Variants in S100Z observed in about 807,000 individuals in gnomAD.
S100Z encodes S100 calcium binding protein Z.
Under a neutral mutation model 8.5 loss-of-function variants are expected in S100Z, and 11 were observed. The observed-to-expected ratio is 1.30, with a 90% CI of 0.82 to 2.15. The LOEUF (loss-of-function observed/expected upper bound fraction) is 2.15. Ranked by LOEUF, S100Z falls within the 30% of genes most tolerant of loss-of-function variation. S100Z has a pLI of 0.00. For synonymous variants in S100Z, 34 were observed against 43.8 expected (o/e 0.78, Z 0.89); for missense variants, 126 against 117.9 (o/e 1.07, Z -0.32).
Position 76,891,693 on chromosome 5 carries a change from A to T in S100Z, c.*2+13859A>T, listed in dbSNP as rs1490436687. On this transcript the variant is annotated intron_variant, in intron 4 of 4. Transcript: ENST00000317593. ...CGTTTGGAAACACTGGCACCTGTAG[A>T]GTAATTCTTGCTGGGGCATACTTTC... Among the ~76,000 whole-genome samples, 5 of 152,204 alleles carry T rather than the reference A, an allele frequency of 3.3e-5. No homozygotes were observed. The East Asian group carries it at 7.7e-4, about 23-fold the overall frequency.
Position 76,877,660 on chromosome 5 carries a change from C to A in S100Z, c.142-14C>A. On this transcript the variant is annotated splice_polypyrimidine_tract_variant and intron_variant, in intron 3 of 4. Coordinates refer to ENST00000317593, the MANE Select transcript of S100Z (RefSeq NM_130772.4). ...TCAGAGCCAGGGAGTTAGAAATTTC[C>A]TTTCTCATTTTAGTGCCAAAAGGAA... 6.4e-7 allele frequency: 1 copy of A among 1,567,560 alleles called. No homozygotes were observed. The highest frequency in any genetic ancestry group is 8.8e-7 in the Non-Finnish European group (1 of 1,142,658).
the S100Z span, among the ~76,000 whole-genome samples, chr5:76,935,889 G>C: frequency 6.6e-6 from 1 of 151,260 alleles, no homozygotes; most frequent in Non-Finnish European, 1.5e-5. Context: ...CAATTTTCCT[G>C]CCTCAGCCTC....
intron 4 of S100Z, among the ~76,000 whole-genome samples, chr5:76,897,448 AAATAAT>A (rs956487227): frequency 3.4e-5 from 5 of 149,078 alleles, no homozygotes; most frequent in African/African-American, 7.7e-5. Context: ...GTCTCAAAAA[AAATAAT>A]AATAATAATA....
At chr5:76,871,039 C>A (rs1312902906) in intron 2 of S100Z, among the ~76,000 whole-genome samples, 1 of 152,174 alleles carries the variant, frequency 6.6e-6, no homozygotes, top group Non-Finnish European at 1.5e-5. Context: ...CCCAGAGAAA[C>A]CTGAACAACT....
chr5:76,925,618 A>T (rs749628611), downstream of S100Z, among the ~76,000 whole-genome samples: 1 of 152,000 alleles, frequency 6.6e-6, no homozygotes, highest in African/African-American at 2.4e-5. Flanking sequence ...TAGATAATCT[A>T]TGCTGCTTGC....
chr5:76,922,195 C>T (rs972009871), downstream of S100Z, among the ~76,000 whole-genome samples: 2 of 152,128 alleles, frequency 1.3e-5, no homozygotes, highest in African/African-American at 4.8e-5. Flanking sequence ...GAGAGACTCT[C>T]TCTGGAATTT....
chr5:76,903,219 T>TTCA (rs1195192321), intron 4 of S100Z, among the ~76,000 whole-genome samples: 6 of 152,216 alleles, frequency 3.9e-5, no homozygotes, highest in African/African-American at 1.4e-4. Context: ...CTGGTTGCTT[T>TTCA]TCATCATCAC....
intron 4 of S100Z, among the ~76,000 whole-genome samples, chr5:76,887,525 G>A (rs183825629): frequency 2.5e-4 from 37 of 148,904 alleles, no homozygotes; most frequent in African/African-American, 8.8e-4. Flanking sequence ...TCAGCCTCCC[G>A]AGTAGCTGGG....
At chr5:76,916,943 T>G (rs1744871714) in intron 4 of S100Z, among the ~76,000 whole-genome samples, 7 of 151,940 alleles carry the variant, frequency 4.6e-5, no homozygotes. Context: ...CTGGCCAACA[T>G]AGTTAAACCC....
chr5:76,909,413 C>A (rs1744572388), intron 4 of S100Z, among the ~76,000 whole-genome samples: 1 of 152,144 alleles, frequency 6.6e-6, no homozygotes, highest in Non-Finnish European at 1.5e-5. Context: ...ACAATACTAT[C>A]CTGCAGCTTG....
At chr5:76,948,820 T>C in the S100Z span, 1 of 152,180 alleles carries the variant, frequency 6.6e-6, no homozygotes, top group African/African-American at 2.4e-5. Context: ...AAGGTTAACA[T>C]TCCCCTTGAC....
intron 1 of S100Z, among the ~76,000 whole-genome samples, chr5:76,865,034 G>A (rs954657327): frequency 2.2e-5 from 3 of 137,762 alleles, no homozygotes; most frequent in Admixed American, 7.6e-5. Flanking sequence ...TTAGTTTAGC[G>A]TGTACTCCCT....
chr5:76,881,714 T>C (rs951632047), intron 4 of S100Z, among the ~76,000 whole-genome samples: 13 of 151,898 alleles, frequency 8.6e-5, no homozygotes, highest in African/African-American at 3.1e-4. Context: ...TGGGAAGAGA[T>C]TGATAGGTGG....
At chr5:76,938,817 A>G in the S100Z span, among the ~76,000 whole-genome samples, 1 of 152,142 alleles carries the variant, frequency 6.6e-6, no homozygotes, top group African/African-American at 2.4e-5. Flanking sequence ...CCAGGGCCCC[A>G]TGTTTTTAAA....
At chr5:76,906,390 T>C (rs1417981618) in intron 4 of S100Z, among the ~76,000 whole-genome samples, 1 of 152,204 alleles carries the variant, frequency 6.6e-6, no homozygotes, top group Non-Finnish European at 1.5e-5. Flanking sequence ...TTATCCTGTC[T>C]CATTGAAACT....
chr5:76,933,917 C>A, the S100Z span, among the ~76,000 whole-genome samples: 1 of 152,192 alleles, frequency 6.6e-6, no homozygotes, highest in African/African-American at 2.4e-5. Context: ...ACCTGGTAGC[C>A]ACTAGTCTAC....
intron 2 of S100Z, among the ~76,000 whole-genome samples, chr5:76,870,699 A>C (rs944964946): frequency 6.6e-6 from 1 of 151,924 alleles, no homozygotes; most frequent in African/African-American, 2.4e-5. Flanking sequence ...TGTTGGATAG[A>C]TGGTTCTGGA....
chr5:76,859,107 G>A (rs545761529), intron 1 of S100Z, among the ~76,000 whole-genome samples: 1 of 152,184 alleles, frequency 6.6e-6, no homozygotes, highest in East Asian at 1.9e-4. Flanking sequence ...GAGCGAGACA[G>A]TGTCTCAAAA....
the S100Z span, among the ~76,000 whole-genome samples, chr5:76,946,053 A>AT: frequency 2.0e-5 from 3 of 151,786 alleles, no homozygotes; most frequent in African/African-American, 4.8e-5. Flanking sequence ...GCACCATCTC[A>AT]TTTTTTTGCT....
Sources: allele counts gnomAD v4.1 joint callset (sites outside exome capture counted in the v4.1 genomes callset), GRCh38; gene constraint gnomAD v4.1.1; transcripts MANE v1.5; gene names NCBI Gene and HGNC (gene_info 2026-07-23, HGNC 2026-07-21).